RALB: variants seen among roughly 807,000 people sequenced by gnomAD.
The protein encoded by RALB is RAS like proto-oncogene B, also known as ras-related protein Ral-B.
RALB carries 16 observed loss-of-function variants against 21.3 expected under a neutral mutation model. The ratio of observed to expected loss-of-function variants is 0.75; its 90% confidence interval spans 0.51 to 1.14. RALB has a LOEUF of 1.14. Among genes scored for constraint, RALB ranks in the 50% most tolerant of loss-of-function variants. RALB has a pLI of 0.00. For missense variants in RALB, 161 were observed against 256.2 expected (o/e 0.63, Z 2.54); for synonymous variants, 93 against 96.1 (o/e 0.97, Z 0.19).
intron 1 of RALB, among the ~76,000 whole-genome samples, chr2:120,255,405 G>A (rs1168374602): frequency 6.6e-6 from 1 of 152,194 alleles, no homozygotes; most frequent in Non-Finnish European, 1.5e-5. Flanking sequence ...CTGAGCATCA[G>A]CTGTCTGCTT....
At chr2:120,282,478 CAA>C (rs57554505) in intron 2 of RALB, among the ~76,000 whole-genome samples, 18 of 133,820 alleles carry the variant, frequency 1.3e-4, no homozygotes, top group African/African-American at 4.3e-4. Flanking sequence ...AACTCCATCT[CAA>C]AAAAAAAAAG....
chr2:120,240,975 G>T (rs77483704), intron 1 of RALB, among the ~76,000 whole-genome samples: 4 of 152,316 alleles, frequency 2.6e-5, no homozygotes, highest in African/African-American at 9.6e-5. Context: ...AGCAAAGTCG[G>T]TGCCTACAGC....
At position 120,271,041 on chromosome 2, in the gene RALB, T is replaced by A. The variant is rs187482194; in HGVS notation, c.-47-7577T>A. On this transcript the variant is annotated intron_variant, in intron 1 of 4. Transcript: ENST00000272519. ...GAATTTTAGGAGGGGGACTGAGAGA[T>A]TAGGTTTCCCCTAGGTTTTCAGATT... 6.6e-3 allele frequency among the ~76,000 whole-genome samples: 1,011 copies of A among 152,324 alleles called. 6 individuals are homozygous for A. The highest frequency in any genetic ancestry group is 0.019 in the South Asian group (90 of 4,830).
chr2:120,271,481 G>T (rs1215125740), intron 1 of RALB, among the ~76,000 whole-genome samples: 1 of 152,188 alleles, frequency 6.6e-6, no homozygotes, highest in South Asian at 2.1e-4. Context: ...GCTAAGATGG[G>T]CTGGAGGACC....
chr2:120,250,562 G>A (rs1296359086), upstream of RALB, among the ~76,000 whole-genome samples: 1 of 152,324 alleles, frequency 6.6e-6, no homozygotes, highest in East Asian at 1.9e-4. Flanking sequence ...GACTCCCACA[G>A]TAATCAATAA....
At chr2:120,292,448 G>A (rs1157456678) in intron 4 of RALB, among the ~76,000 whole-genome samples, 1 of 152,206 alleles carries the variant, frequency 6.6e-6, no homozygotes, top group African/African-American at 2.4e-5. Flanking sequence ...TGGGGTCCTT[G>A]TAAGGATTAA....
intron 2 of RALB, among the ~76,000 whole-genome samples, chr2:120,280,152 C>T (rs1269818314): frequency 1.3e-5 from 2 of 152,178 alleles, no homozygotes. Flanking sequence ...AAAAGTCTTT[C>T]AGATCTTACA....
intron 1 of RALB, among the ~76,000 whole-genome samples, chr2:120,247,723 G>C (rs1459432868): frequency 6.6e-6 from 1 of 152,244 alleles, no homozygotes; most frequent in East Asian, 1.9e-4. Flanking sequence ...GCAAGGAAAG[G>C]AAGGCTCAGG....
chr2:120,259,730 C>T (rs545890642), intron 1 of RALB, among the ~76,000 whole-genome samples: 2 of 152,374 alleles, frequency 1.3e-5, no homozygotes, highest in East Asian at 3.9e-4. Context: ...AGCTGCCTGC[C>T]AGTCCTGCGC....
intron 1 of RALB, among the ~76,000 whole-genome samples, chr2:120,261,845 G>A (rs1005056096): frequency 6.6e-6 from 1 of 152,182 alleles, no homozygotes; most frequent in African/African-American, 2.4e-5. Context: ...AGAATTGTGT[G>A]TGGGGGTGGT....
chr2:120,267,859 T>TG (rs1689541257), intron 1 of RALB, among the ~76,000 whole-genome samples: 1 of 152,204 alleles, frequency 6.6e-6, no homozygotes, highest in African/African-American at 2.4e-5. Flanking sequence ...TGGCGTGATC[T>TG]GGGGTCACTG....
At chr2:120,283,428 A>T (rs1238251519) in intron 2 of RALB, among the ~76,000 whole-genome samples, 4 of 152,184 alleles carry the variant, frequency 2.6e-5, no homozygotes, top group Admixed American at 1.3e-4. Context: ...CTCTTTGTTC[A>T]TAGTGCATGC....
At chr2:120,283,832 A>G (rs1201471297) in intron 2 of RALB, among the ~76,000 whole-genome samples, 1 of 152,246 alleles carries the variant, frequency 6.6e-6, no homozygotes, top group Non-Finnish European at 1.5e-5. Flanking sequence ...ACGCTAATGG[A>G]TACAAAGACT....
chr2:120,266,989 G>A (rs933879491), intron 1 of RALB, among the ~76,000 whole-genome samples: 2 of 152,084 alleles, frequency 1.3e-5, no homozygotes, highest in Non-Finnish European at 2.9e-5. Context: ...GGGCTGGCCG[G>A]GGGATATCTA....
chr2:120,276,714 T>C (rs1472750511), intron 1 of RALB, among the ~76,000 whole-genome samples: 1 of 152,240 alleles, frequency 6.6e-6, no homozygotes, highest in East Asian at 1.9e-4. Context: ...TTAGATGGGA[T>C]GGAAAACAAC....
chr2:120,276,891 T>C (rs1012030275), intron 1 of RALB, among the ~76,000 whole-genome samples: 1 of 152,202 alleles, frequency 6.6e-6, no homozygotes, highest in Non-Finnish European at 1.5e-5. Flanking sequence ...AGCTCACAAA[T>C]GGCAGAACCA....
At chr2:120,246,270 C>T (rs1190331967) in intron 1 of RALB, among the ~76,000 whole-genome samples, 5 of 152,180 alleles carry the variant, frequency 3.3e-5, no homozygotes, top group African/African-American at 1.2e-4. Context: ...CACTGCCCCT[C>T]CTGAGGGCTG....
chr2:120,241,584 G>T (rs749285742), intron 1 of RALB, among the ~76,000 whole-genome samples: 3 of 152,162 alleles, frequency 2.0e-5, no homozygotes, highest in Non-Finnish European at 4.4e-5. Flanking sequence ...AAATTATCTG[G>T]GCATGGTGGT....
rs190473031 is a variant in RALB at position 120,288,083 on chromosome 2, C to G, written c.324-1497C>G. Among the ~76,000 whole-genome samples, 185 of 152,276 alleles carry G rather than the reference C, an allele frequency of 1.2e-3. 1 individual carries two copies. The highest frequency in any genetic ancestry group is 0.01 in the Middle Eastern group (3 of 294). On this transcript the variant is annotated intron_variant, in intron 3 of 4. Coordinates refer to ENST00000272519, the MANE Select transcript of RALB (RefSeq NM_002881.3). ...ATAAGAGACCAGAACTTGGTACTCC[C>G]ATTTTTGGATCGATATGTTTATCAA...
Sources: allele counts gnomAD v4.1 joint callset (sites outside exome capture counted in the v4.1 genomes callset), GRCh38; gene constraint gnomAD v4.1.1; transcripts MANE v1.5; gene names NCBI Gene and HGNC (gene_info 2026-07-23, HGNC 2026-07-21).